EPB41L4B: variants seen among roughly 807,000 people sequenced by gnomAD.
EPB41L4B encodes band 4.1-like protein 4B.
In EPB41L4B, 30 loss-of-function variants were observed where a neutral mutation model predicts 112.5. That is an observed-to-expected ratio of 0.27 (90% CI 0.20 to 0.36). EPB41L4B has a LOEUF of 0.36. Ranked by LOEUF, EPB41L4B falls within the 10% of genes least tolerant of loss-of-function variation. EPB41L4B has a pLI of 1.00. For synonymous variants in EPB41L4B, 408 were observed against 439.7 expected (o/e 0.93, Z 0.90); for missense variants, 1,024 against 1,133.3 (o/e 0.90, Z 1.38).
chr9:109,235,430 C>CAG, intron 15 of EPB41L4B, among the ~76,000 whole-genome samples: 1 of 133,108 alleles, frequency 7.5e-6, no homozygotes, highest in East Asian at 2.4e-4. Flanking sequence ...GAGTCTCACA[C>CAG]TGTCACCCAG....
At chr9:109,269,686 G>C (rs1179619983) in intron 2 of EPB41L4B, among the ~76,000 whole-genome samples, 1 of 152,192 alleles carries the variant, frequency 6.6e-6, no homozygotes, top group Non-Finnish European at 1.5e-5. Flanking sequence ...TGGACCTAAT[G>C]CATGCTGGAA....
In EPB41L4B at chr9:109,255,700, G is replaced by T. The variant is rs929948245; in HGVS notation, c.1000-20C>A. 6.2e-7 allele frequency: 1 copy of T among 1,610,666 alleles called. No individual in the cohort carries two copies. On this transcript the variant is annotated intron_variant, in intron 10 of 25. Transcript: ENST00000374566. ...ACGTCCCTTAAAGAGGAAGCACAAGGGCCTCGAGTGGGCGTTTGCAACCCC... is the reference window on the plus strand; with the variant it reads ...ACGTCCCTTAAAGAGGAAGCACAAGTGCCTCGAGTGGGCGTTTGCAACCCC...
chr9:109,268,518 T>C, intron 2 of EPB41L4B, 85 bp from the exon 3 acceptor site: 3 of 1,241,592 alleles, frequency 2.4e-6, no homozygotes, highest in Non-Finnish European at 3.4e-6. Flanking sequence ...CTAAAAGCCT[T>C]AGTAATTCTA....
chr9:109,175,833 C>T (rs1164022118), intron 25 of EPB41L4B, among the ~76,000 whole-genome samples: 1 of 152,148 alleles, frequency 6.6e-6, no homozygotes, highest in African/African-American at 2.4e-5. Flanking sequence ...CACGCTGGCC[C>T]CTTAAACTTC....
intron 1 of EPB41L4B, among the ~76,000 whole-genome samples, chr9:109,306,284 A>G (rs1156423186): frequency 2.0e-5 from 3 of 152,158 alleles, no homozygotes; most frequent in African/African-American, 7.2e-5. Context: ...TGTTTCTCAA[A>G]CCTGACTGCA....
intron 1 of EPB41L4B, among the ~76,000 whole-genome samples, chr9:109,282,668 GA>G (rs1488298436): frequency 6.6e-6 from 1 of 152,110 alleles, no homozygotes; most frequent in Non-Finnish European, 1.5e-5. Flanking sequence ...TTTAGCCTGT[GA>G]GAACCACTCA....
intron 11 of EPB41L4B, among the ~76,000 whole-genome samples, chr9:109,253,886 C>G (rs1834885717): frequency 6.6e-6 from 1 of 152,202 alleles, no homozygotes; most frequent in Non-Finnish European, 1.5e-5. Context: ...GAACACACTG[C>G]ATAGACATTT....
At chr9:109,213,566 A>C in intron 17 of EPB41L4B, 134 bp downstream of exon 17, 1 of 698,352 alleles carries the variant, frequency 1.4e-6, no homozygotes, top group Non-Finnish European at 2.5e-6. Context: ...GCCTGAACAG[A>C]AATGTCAGGA....
intron 20 of EPB41L4B, among the ~76,000 whole-genome samples, chr9:109,196,714 C>T (rs186122661): frequency 4.8e-4 from 57 of 117,782 alleles, no homozygotes; most frequent in African/African-American, 2.0e-3. Context: ...GAGGCCTTGT[C>T]TCCGAAAAAA....
intron 15 of EPB41L4B, among the ~76,000 whole-genome samples, chr9:109,234,415 A>G (rs1443939486): frequency 6.6e-6 from 1 of 152,226 alleles, no homozygotes; most frequent in Non-Finnish European, 1.5e-5. Flanking sequence ...GGTTAAATAT[A>G]TGCTCATTTA....
intron 17 of EPB41L4B, among the ~76,000 whole-genome samples, chr9:109,212,587 G>C (rs1833220389): frequency 6.6e-6 from 1 of 152,222 alleles, no homozygotes; most frequent in Non-Finnish European, 1.5e-5. Flanking sequence ...TCAGGGACGG[G>C]AAGGGCAGGA....
At chr9:109,240,868 G>A (rs564481550) in intron 15 of EPB41L4B, 63 of 985,402 alleles carry the variant, frequency 6.4e-5, no homozygotes, top group Non-Finnish European at 3.9e-5. Flanking sequence ...CAATCATTAA[G>A]ACATTAAAAA....
At position 109,200,297 on chromosome 9, in the gene EPB41L4B, C is replaced by T; in HGVS notation, c.1984G>A (p.Ala662Thr). 1 of 1,614,128 alleles carries T rather than the reference C, an allele frequency of 6.2e-7. No homozygotes were observed. The highest frequency in any genetic ancestry group is 1.3e-5 in the African/African-American group (1 of 75,012). Residue 662 changes from alanine to threonine, a missense_variant, in exon 20 of 26, where the codon GCT becomes ACT. Coordinates refer to ENST00000374566, the MANE Select transcript of EPB41L4B (RefSeq NM_019114.5). ...GGCTTGATTTCCGGCTTTTCCACAGCTGGCTGGGCAGTTTCCACACGAATA... is the reference window on the plus strand; with the variant it reads ...GGCTTGATTTCCGGCTTTTCCACAGTTGGCTGGGCAGTTTCCACACGAATA... ...IPIRVETAQP[A>T]VEKPEIKPPR...
intron 24 of EPB41L4B, among the ~76,000 whole-genome samples, chr9:109,179,693 T>C (rs1831983043): frequency 2.0e-5 from 3 of 152,200 alleles, no homozygotes; most frequent in South Asian, 4.1e-4. Flanking sequence ...CCATCCACAT[T>C]CTGCAAATCA....
chr9:109,213,412 T>C (rs1187263060), intron 17 of EPB41L4B, among the ~76,000 whole-genome samples: 1 of 152,170 alleles, frequency 6.6e-6, no homozygotes, highest in Non-Finnish European at 1.5e-5. Flanking sequence ...TAAATGTGGA[T>C]GCTCCCTCTG....
intron 6 of EPB41L4B, among the ~76,000 whole-genome samples, chr9:109,262,348 C>T (rs1835235304): frequency 1.3e-5 from 2 of 152,150 alleles, no homozygotes; most frequent in Non-Finnish European, 2.9e-5. Flanking sequence ...TATCCATCCC[C>T]AGAAACAGCC....
chr9:109,194,056 G>T (rs997520002), intron 21 of EPB41L4B, among the ~76,000 whole-genome samples, 164 bp downstream of exon 21: 2 of 152,118 alleles, frequency 1.3e-5, no homozygotes, highest in African/African-American at 4.8e-5. Flanking sequence ...TTGTATTTTG[G>T]GGTCAAGTTA....
intron 5 of EPB41L4B, 83 bp downstream of exon 5, chr9:109,264,897 G>T: frequency 1.5e-6 from 2 of 1,295,084 alleles, no homozygotes; most frequent in East Asian, 2.5e-5. Context: ...AGGGAACAAG[G>T]GTAAAAGAGT....
chr9:109,247,138 C>G (rs1182831148), intron 14 of EPB41L4B, among the ~76,000 whole-genome samples: 2 of 149,948 alleles, frequency 1.3e-5, no homozygotes, highest in Non-Finnish European at 2.9e-5. Flanking sequence ...ATAGCTGGCA[C>G]TACAGATGTA....
Sources: gnomAD v4.1 joint callset for allele counts (sites outside exome capture counted in the v4.1 genomes callset) on GRCh38, gnomAD v4.1.1 for gene constraint, MANE v1.5 for transcripts, NCBI Gene and HGNC (gene_info 2026-07-23, HGNC 2026-07-21) for gene names.